The following GBX2 variants were observed in gnomAD, a reference collection of about 807,000 sequenced individuals.
The protein encoded by GBX2 is homeobox protein GBX-2.
Under a neutral mutation model 22.4 loss-of-function variants are expected in GBX2, and 5 were observed. The observed-to-expected ratio is 0.22, with a 90% confidence interval of 0.12 to 0.47. The LOEUF (loss-of-function observed/expected upper bound fraction) is 0.47, where lower values mean the gene tolerates loss of function less well. Among genes scored for constraint, GBX2 ranks in the 20% least tolerant of loss-of-function variants. The pLI is 0.99. For synonymous variants in GBX2, 220 were observed against 230.5 expected, an observed-to-expected ratio of 0.95 and a Z score of 0.41; for missense variants, 470 against 495.4, an observed-to-expected ratio of 0.95 and a Z score of 0.49.
chr2:236,164,837 AT>A (rs2060229287), downstream of GBX2, among the ~76,000 whole-genome samples: 2 of 152,114 alleles, frequency 1.3e-5, no homozygotes, highest in African/African-American at 4.8e-5. Context: ...GGCCGGAGAT[AT>A]TTGTAAAGGA....
downstream of GBX2, among the ~76,000 whole-genome samples, chr2:236,163,293 G>A (rs1307321693): frequency 2.7e-5 from 4 of 148,294 alleles, no homozygotes; most frequent in South Asian, 6.2e-4. Context: ...AGCGCCCCGA[G>A]GAGCAGGAGG....
downstream of GBX2, among the ~76,000 whole-genome samples, chr2:236,162,210 C>G (rs184889857): frequency 6.6e-6 from 1 of 152,332 alleles, no homozygotes; most frequent in East Asian, 1.9e-4. Context: ...GAAGGCCAGA[C>G]GCACAGACAG....
chr2:236,163,160 T>C (rs1392761913), downstream of GBX2, among the ~76,000 whole-genome samples: 1 of 152,160 alleles, frequency 6.6e-6, no homozygotes, highest in Non-Finnish European at 1.5e-5. Flanking sequence ...ACGGCCATGA[T>C]GACAGCGGCC....
In GBX2 at chr2:236,167,363, C is replaced by G. The variant is rs1221910547; in HGVS notation, c.523+86G>C. 5.7e-6 allele frequency: 8 copies of G among 1,396,140 alleles called. No homozygotes were observed. The African/African-American group carries it at 1.2e-4, about 21-fold the overall frequency. 86.5% of individuals were successfully genotyped at this position (1,396,140 alleles called of 1,614,324 possible). A position where few individuals can be genotyped will look rare whatever the true frequency, so the allele number is the denominator to read the frequency against. On this transcript the variant is annotated intron_variant, in intron 1 of 1. Coordinates refer to ENST00000306318, the MANE Select transcript of GBX2 (RefSeq NM_001485.4). The stretch of plus-strand genomic sequence containing the variant: ...GGTCGAGCGGGGGCGCGGCCTCGCC[C>G]CCTTGGTCTCCCGCGGGAACCCGGC...
At chr2:236,162,806 C>T (rs1213102689), downstream of GBX2, among the ~76,000 whole-genome samples, 1 of 152,194 alleles carries the variant, frequency 6.6e-6, no homozygotes, top group Non-Finnish European at 1.5e-5. Flanking sequence ...CAAAACCCAA[C>T]CTTGGATTAA....
chr2:236,167,252 C>A, intron 1 of GBX2, 197 bp downstream of exon 1: 1 of 1,463,180 alleles, frequency 6.8e-7, no homozygotes, highest in Non-Finnish European at 9.3e-7. Context: ...CCCCCCCTCC[C>A]GAGACCCCGC....
Position 236,166,260 on chromosome 2 carries a change from C to T in GBX2, c.701G>A (p.Ser234Asn), listed in dbSNP as rs373486610. 1.2e-6 allele frequency: 2 copies of T among 1,613,538 alleles called. No individual in the cohort carries two copies. The highest frequency in any genetic ancestry group is 8.5e-7 in the Non-Finnish European group (1 of 1,179,976). Residue 234 changes from serine to asparagine, a missense_variant, in exon 2 of 2, where the codon AGC becomes AAC. By Grantham distance (46) the Ser-to-Asn change is conservative. Transcript: ENST00000306318. The surrounding 1 kb of genome is among the most constrained non-coding windows in gnomAD (Gnocchi z 6.6). ...PGHALEETPPSSGAAGSTTST... is the reference protein window; with the variant it reads ...PGHALEETPPNSGAAGSTTST... The stretch of plus-strand genomic sequence containing the variant: ...CGTGGTGCTGCCCGCGGCGCCGCTG[C>T]TCGGCGGGGTCTCCTCCAGCGCGTG...
rs1284104061 is a variant in GBX2, at chr2:236,166,505, T to C, written c.524-68A>G. The C allele has an allele frequency of 1.4e-6, 2 of 1,410,178 alleles. No individual in the cohort carries two copies. The highest frequency in any genetic ancestry group is 1.8e-5 in the Admixed American group (1 of 54,752). The allele number at this position is 1,410,178 out of a possible 1,614,324, so 87.4% of individuals were successfully genotyped here. A position where few individuals can be genotyped will look rare whatever the true frequency, so the allele number is the denominator to read the frequency against. ...TGGCCTTCCTTTCTCCTTCCCACCG[T>C]CATTTGGACATTCCGCGCCCCCCGC... On this transcript the variant is annotated intron_variant, in intron 1 of 1. Coordinates refer to ENST00000306318, the MANE Select transcript of GBX2 (RefSeq NM_001485.4). This position sits in a 1 kb window ranked among gnomAD's most constrained non-coding sequence, Gnocchi z 6.6.
rs1432932888 is a variant in GBX2, at chr2:236,167,743, C to G, written c.229G>C (p.Ala77Pro). 1.3e-6 allele frequency: 2 copies of G among 1,493,902 alleles called. No individual in the cohort carries two copies. Among genetic ancestry groups the G allele is most frequent in the Admixed American group, 2.4e-5 (1 of 41,886 alleles). 92.5% of individuals were successfully genotyped at this position (1,493,902 alleles called of 1,614,324 possible). Residue 77 changes from alanine (A) to proline (P), a missense_variant, in exon 1 of 2, where the codon GCA (alanine) becomes CCA (proline). By Grantham distance (27) the Ala-to-Pro change is conservative (BLOSUM62 -1). This residue lies in a region of GBX2 where 377 missense variants were observed against 358.6 expected (regional missense o/e 1.05). Coordinates refer to ENST00000306318, the MANE Select transcript of GBX2 (RefSeq NM_001485.4). Reference protein sequence around the residue: ...QAALQPALPPAHPHHQIPSLP... With the variant: ...QAALQPALPPPHPHHQIPSLP... The stretch of plus-strand genomic sequence containing the variant: ...CTGGGGATCTGGTGGTGAGGGTGTG[C>G]GGGCGGCAGCGCTGGCTGCAGCGCG...
rs1386615343 is a variant in GBX2 at position 236,167,528 on chromosome 2, C to T, written c.444G>A (p.Ala148=). Residue 148 remains alanine (A), a synonymous_variant, in exon 1 of 2, where the codon GCG becomes GCA. Coordinates refer to ENST00000306318, the MANE Select transcript of GBX2 (RefSeq NM_001485.4). The part of the protein sequence containing the change: ...FDKAEALQAD[A]EDGKGFLAKE... ...TGGCCAGGAAGCCTTTGCCGTCCTC[C>T]GCGTCAGCCTGCAGCGCCTCCGCCT... 1 of 1,598,770 alleles carries T rather than the reference C, an allele frequency of 6.3e-7. No individual in the cohort carries two copies. Among genetic ancestry groups the T allele is most frequent in the East Asian group, 2.3e-5 (1 of 43,920 alleles).
chr2:236,167,662 G>T lies in GBX2; in HGVS notation c.310C>A (p.Leu104Ile). ...AAGCCGCCGGGGAGCGTGGCCATGA[G>T]CGTAGAGGTGAGCGCCATGCCCTGC... ...LAQGMALTST[L>I]MATLPGGFSA... The change falls in exon 1 of 2, where the codon CTC (leucine) becomes ATC (isoleucine). Residue 104 changes from leucine (L) to isoleucine (I), a missense_variant. Leu to Ile is a conservative substitution (Grantham distance 5, BLOSUM62 2). Around this residue, in one of 4 missense-constraint regions of GBX2, gnomAD observed 377 missense variants for 358.6 expected, o/e 1.05. Transcript: ENST00000306318. 6.3e-7 allele frequency: 1 copy of T among 1,591,612 alleles called. No individual in the cohort carries two copies. The highest frequency in any genetic ancestry group is 1.7e-4 in the Middle Eastern group (1 of 5,756).
Position 236,167,440 on chromosome 2 carries a change from C to T in GBX2, c.523+9G>A, listed in dbSNP as rs2106251222. ...CCCCTCGTCCCGGCTGCGCGCGCCG[C>T]CGACTCACCGAGCGAAGCCTGCACC... is the stretch of plus-strand genomic sequence containing the variant. On this transcript the variant is annotated intron_variant, in intron 1 of 1. Coordinates refer to ENST00000306318, the MANE Select transcript of GBX2 (RefSeq NM_001485.4). 4 of 1,510,898 alleles carry T rather than the reference C, an allele frequency of 2.6e-6. No individual in the cohort carries two copies. Among genetic ancestry groups the T allele is most frequent in the East Asian group, 2.6e-5 (1 of 37,808 alleles). The allele number at this position is 1,510,898 out of a possible 1,614,324, so 93.6% of individuals were successfully genotyped here.
chr2:236,167,438 C>A lies in GBX2; in HGVS notation c.523+11G>T. ...GCCCCCTCGTCCCGGCTGCGCGCGC[C>A]GCCGACTCACCGAGCGAAGCCTGCA... On this transcript the variant is annotated intron_variant, in intron 1 of 1. Coordinates refer to ENST00000306318, the MANE Select transcript of GBX2 (RefSeq NM_001485.4). The A allele has an allele frequency of 6.6e-7, 1 of 1,507,036 alleles. No homozygotes were observed. The highest frequency in any genetic ancestry group is 8.8e-7 in the Non-Finnish European group (1 of 1,139,822). 93.4% of individuals were successfully genotyped at this position (1,507,036 alleles called of 1,614,324 possible).
Position 236,166,233 on chromosome 2 carries a change from G to A in GBX2, c.728C>T (p.Ser243Phe). The change falls in exon 2 of 2, where the codon TCT becomes TTT. Residue 243 changes from serine to phenylalanine, a missense_variant. Around this residue, in one of 4 missense-constraint regions of GBX2, gnomAD observed 377 missense variants for 358.6 expected, o/e 1.05. Coordinates refer to ENST00000306318, the MANE Select transcript of GBX2 (RefSeq NM_001485.4). This position sits in a 1 kb window ranked among gnomAD's most constrained non-coding sequence, Gnocchi z 6.6. ...CCGCCGCCGCCGGTTCTTGCCCGTA[G>A]ACGTGGTGCTGCCCGCGGCGCCGCT... is the stretch of plus-strand genomic sequence containing the variant. Reference protein sequence around the residue: ...PSSGAAGSTTSTGKNRRRRTA... With the variant: ...PSSGAAGSTTFTGKNRRRRTA... 1.2e-6 allele frequency: 2 copies of A among 1,613,718 alleles called. No homozygotes were observed. Among genetic ancestry groups the A allele is most frequent in the Non-Finnish European group, 8.5e-7 (1 of 1,179,980 alleles).
chr2:236,163,344 C>T (rs913773476), downstream of GBX2, among the ~76,000 whole-genome samples: 1 of 152,136 alleles, frequency 6.6e-6, no homozygotes, highest in Admixed American at 6.5e-5. Context: ...GGGCCCTCTC[C>T]TCCTCGTGCC....
chr2:236,161,981 CAT>C (rs2060215700), downstream of GBX2, among the ~76,000 whole-genome samples: 1 of 152,246 alleles, frequency 6.6e-6, no homozygotes, highest in Non-Finnish European at 1.5e-5. Flanking sequence ...AACCACCCGC[CAT>C]GGGGCATAAC....
Position 236,168,093 on chromosome 2 carries a change from A to G in GBX2, c.-122T>C. 1.9e-6 allele frequency: 2 copies of G among 1,066,720 alleles called. No homozygotes were observed. Among genetic ancestry groups the G allele is most frequent in the East Asian group, 7.0e-5 (2 of 28,688 alleles). 66.1% of individuals were successfully genotyped at this position (1,066,720 alleles called of 1,614,324 possible). A position where few individuals can be genotyped will look rare whatever the true frequency, so the allele number is the denominator to read the frequency against. On this transcript the variant is annotated 5_prime_UTR_variant, in exon 1 of 2. Transcript: ENST00000306318. Reference sequence around the variant, plus strand: ...CGGGCAGGGGCCGAGCGGGACCCGGAGAGCAGACGCCTCCGCCCCTCAGTC... The same window carrying G: ...CGGGCAGGGGCCGAGCGGGACCCGGGGAGCAGACGCCTCCGCCCCTCAGTC...
rs2060247004 is a variant in GBX2 at position 236,167,437 on chromosome 2, C to T, written c.523+12G>A. The T allele has an allele frequency of 2.0e-6, 3 of 1,504,228 alleles. No homozygotes were observed. Among genetic ancestry groups the T allele is most frequent in the South Asian group, 2.5e-5 (2 of 78,736 alleles). 93.2% of individuals were successfully genotyped at this position (1,504,228 alleles called of 1,614,324 possible). A position where few individuals can be genotyped will look rare whatever the true frequency, so the allele number is the denominator to read the frequency against. Reference sequence around the variant, plus strand: ...CGCCCCCTCGTCCCGGCTGCGCGCGCCGCCGACTCACCGAGCGAAGCCTGC... The same window carrying T: ...CGCCCCCTCGTCCCGGCTGCGCGCGTCGCCGACTCACCGAGCGAAGCCTGC... On this transcript the variant is annotated intron_variant, in intron 1 of 1. Transcript: ENST00000306318.
intron 1 of GBX2, 94 bp downstream of exon 1, chr2:236,167,355 G>A (rs983087480): frequency 4.3e-6 from 6 of 1,392,020 alleles, no homozygotes; most frequent in Non-Finnish European, 5.7e-6. Context: ...CGGGGGCGCG[G>A]CCTCGCCCCC....
Sources: gnomAD v4.1 joint callset for allele counts (sites outside exome capture counted in the v4.1 genomes callset) on GRCh38, gnomAD v4.1.1 for gene constraint, gnomAD v4.1.1 regional missense constraint, Gnocchi (gnomAD v3.1) non-coding constraint, MANE v1.5 for transcripts, NCBI Gene and HGNC (gene_info 2026-07-23, HGNC 2026-07-21) for gene names.